Variants in ITPR1 observed in about 807,000 individuals in gnomAD.
The protein encoded by ITPR1 is inositol 1,4,5-trisphosphate-gated calcium channel ITPR1.
ITPR1 carries 96 observed loss-of-function variants against 318.4 expected under a neutral mutation model. The ratio of observed to expected loss-of-function variants is 0.30; its 90% confidence interval spans 0.26 to 0.36. ITPR1 has a LOEUF of 0.36. ITPR1 is among the 10% of genes least tolerant of loss of function. The pLI is 1.00. For missense variants in ITPR1, 2,440 were observed against 3,460.2 expected (o/e 0.71, Z 7.40); for synonymous variants, 1,312 against 1,289.9 (o/e 1.02, Z -0.37).
In ITPR1 at chr3:4,688,488, C is replaced by G; in HGVS notation, c.3703-7C>G. The G allele has an allele frequency of 6.2e-7, 1 of 1,613,822 alleles. No individual in the cohort carries two copies. Among genetic ancestry groups the G allele is most frequent in the Non-Finnish European group, 8.5e-7 (1 of 1,179,760 alleles). On this transcript the variant is annotated splice_polypyrimidine_tract_variant and splice_region_variant and intron_variant, in intron 30 of 61. Transcript: ENST00000649015. ...ATCAGTGCTTTCATCTGTCTCCTCCCACACAGGCCGAAGATACCAAGATGC... is the reference window on the plus strand; with the variant it reads ...ATCAGTGCTTTCATCTGTCTCCTCCGACACAGGCCGAAGATACCAAGATGC...
rs61757110 is a variant in ITPR1 at position 4,693,723 on chromosome 3, C to G, written c.4263C>G (p.His1421Gln). 2,611 of 1,612,892 alleles carry G rather than the reference C, an allele frequency of 1.6e-3. 12 individuals carry two copies. The highest frequency in any genetic ancestry group is 0.015 in the African/African-American group (1,124 of 75,038). Residue 1421 changes from histidine to glutamine, a missense_variant, in exon 33 of 62, where the codon CAC (histidine) becomes CAG (glutamine). Coordinates refer to ENST00000649015, the MANE Select transcript of ITPR1 (RefSeq NM_001378452.1). ...PLDDIVRVVT[H>Q]EDCIPEVKIA... ...ATGACATCGTTCGCGTGGTGACCCA[C>G]GAGGACTGCATCCCTGAGGTGAGCG...
intron 4 of ITPR1, among the ~76,000 whole-genome samples, chr3:4,580,745 A>C (rs758235739): frequency 1.3e-5 from 2 of 152,192 alleles, no homozygotes; most frequent in African/African-American, 2.4e-5. Context: ...AGCAAGCCGC[A>C]GAGGCTGTAC....
chr3:4,654,994 C>T lies in ITPR1; in HGVS notation c.996+1108C>T, dbSNP rs1170215533. Among the ~76,000 whole-genome samples the T allele has an allele frequency of 2.0e-5, 3 of 152,202 alleles. No homozygotes were observed. The South Asian group carries it at 6.2e-4, about 32-fold the overall frequency. The stretch of plus-strand genomic sequence containing the variant: ...TCCTTGTCACCCCTATTTCTAGAGT[C>T]CATTTTGAAAGCTTTGCTTCCACAG... On this transcript the variant is annotated intron_variant, in intron 12 of 61. Coordinates refer to ENST00000649015, the MANE Select transcript of ITPR1 (RefSeq NM_001378452.1).
chr3:4,814,490 T>C lies in ITPR1; in HGVS notation c.7629T>C (p.Ile2543=). Residue 2543 remains isoleucine, a synonymous_variant, in exon 58 of 62, where the codon ATT becomes ATC. Transcript: ENST00000649015. The part of the protein sequence containing the change: ...EHTCETLLMC[I]VTVLSHGLRS... The stretch of plus-strand genomic sequence containing the variant: ...CATGTGAGACGCTGCTGATGTGCAT[T>C]GTCACTGTGCTGAGTCACGGGCTGC... The C allele has an allele frequency of 6.2e-7, 1 of 1,613,654 alleles. No individual in the cohort carries two copies. The highest frequency in any genetic ancestry group is 2.2e-5 in the East Asian group (1 of 44,852).
At chr3:4,781,105 G>C (rs2046808812) in intron 49 of ITPR1, among the ~76,000 whole-genome samples, 1 of 152,220 alleles carries the variant, frequency 6.6e-6, no homozygotes, top group Non-Finnish European at 1.5e-5. Context: ...GCTCGATTTA[G>C]TATTTGAGAG....
chr3:4,514,068 C>A lies in ITPR1; in HGVS notation c.-16-2408C>A, dbSNP rs1416924319. On this transcript the variant is annotated intron_variant, in intron 2 of 61. Coordinates refer to ENST00000649015, the MANE Select transcript of ITPR1 (RefSeq NM_001378452.1). The stretch of plus-strand genomic sequence containing the variant: ...TGCCACTGCACTCCAGCTTGGGCAA[C>A]AGAGCAAGACTCTGTCTAAAAAAAA... Among the ~76,000 whole-genome samples the A allele has an allele frequency of 5.4e-5, 8 of 149,088 alleles. No homozygotes were observed. The East Asian group carries it at 1.6e-3, about 29-fold the overall frequency.
At chr3:4,561,648 C>T (rs182638604) in intron 4 of ITPR1, among the ~76,000 whole-genome samples, 97 of 151,826 alleles carry the variant, frequency 6.4e-4, no homozygotes, top group African/African-American at 2.1e-3. Context: ...GGGTGGATTT[C>T]GGATGGTGTT....
rs3838621 is a variant in ITPR1 at position 4,765,064 on chromosome 3, TAAAAG to T, written c.5545-1447_5545-1443del. ...TGGATGGATGAAATAGCAGGAAACC[TAAAAG>T]AAAAGAAAAGAAAAGAAACGAGGCA... is the stretch of plus-strand genomic sequence containing the variant. On this transcript the variant is annotated intron_variant, in intron 44 of 61. Transcript: ENST00000649015. Among the ~76,000 whole-genome samples, 1,072 of 149,428 alleles carry T rather than the reference TAAAAG, an allele frequency of 7.2e-3. 4 individuals are homozygous for T. The highest frequency in any genetic ancestry group is 0.019 in the African/African-American group (785 of 40,422).
intron 4 of ITPR1, among the ~76,000 whole-genome samples, chr3:4,539,984 CA>C (rs749264815): frequency 0.052 from 4,888 of 94,426 alleles, 115 homozygotes; most frequent in Admixed American, 0.12. Context: ...GACTAAGATG[CA>C]AAAAAAAAAA....
intron 33 of ITPR1, among the ~76,000 whole-genome samples, chr3:4,696,601 G>A (rs1218255575): frequency 1.3e-5 from 2 of 148,550 alleles, no homozygotes; most frequent in African/African-American, 4.9e-5. Flanking sequence ...ATAGACACAT[G>A]TTTTCATTAA....
rs541656702 is a variant in ITPR1, at chr3:4,706,144, C to T, written c.4658-23C>T. 2.0e-5 allele frequency: 32 copies of T among 1,613,708 alleles called. No homozygotes were observed. The Admixed American group carries it at 3.0e-4, about 15-fold the overall frequency. On this transcript the variant is annotated intron_variant, in intron 36 of 61. Transcript: ENST00000649015. ...GTCCCCCATAAAAGTTGTAGGCTCACGACTCATCTTTCTCCTGTGCAGCCA... is the reference window on the plus strand; with the variant it reads ...GTCCCCCATAAAAGTTGTAGGCTCATGACTCATCTTTCTCCTGTGCAGCCA...
chr3:4,753,815 T>C (rs1449590939), intron 44 of ITPR1, among the ~76,000 whole-genome samples: 1 of 152,092 alleles, frequency 6.6e-6, no homozygotes, highest in Non-Finnish European at 1.5e-5. Flanking sequence ...ACCCTGCCGG[T>C]ACTGTGCGGG....
At chr3:4,523,970 A>T (rs1483803676) in intron 4 of ITPR1, among the ~76,000 whole-genome samples, 1 of 152,228 alleles carries the variant, frequency 6.6e-6, no homozygotes, top group Non-Finnish European at 1.5e-5. Flanking sequence ...CTGGTTCTAC[A>T]GGTGGTCACG....
intron 40 of ITPR1, among the ~76,000 whole-genome samples, chr3:4,724,741 C>A (rs1195669112): frequency 1.3e-5 from 2 of 152,132 alleles, no homozygotes; most frequent in Non-Finnish European, 2.9e-5. Context: ...TTTGTGTAGC[C>A]CCTGCATGCC....
chr3:4,723,016 T>A (rs1209144445), intron 40 of ITPR1, among the ~76,000 whole-genome samples: 1 of 152,044 alleles, frequency 6.6e-6, no homozygotes, highest in Non-Finnish European at 1.5e-5. Context: ...GGTGTGGTGG[T>A]GCATGCCTGT....
At chr3:4,732,052 G>C (rs1175275314) in intron 42 of ITPR1, among the ~76,000 whole-genome samples, 1 of 152,122 alleles carries the variant, frequency 6.6e-6, no homozygotes, top group Admixed American at 6.5e-5. Flanking sequence ...AAGGAGTCCA[G>C]GGAAAATTTA....
At chr3:4,681,517 G>C in intron 26 of ITPR1, 99 bp downstream of exon 26, 1 of 855,910 alleles carries the variant, frequency 1.2e-6, no homozygotes, top group Non-Finnish European at 1.9e-6. Flanking sequence ...TAGTCTCTGG[G>C]CTTAGGTTGT....
chr3:4,746,744 G>C (rs1270114753), intron 44 of ITPR1, among the ~76,000 whole-genome samples: 1 of 152,148 alleles, frequency 6.6e-6, no homozygotes, highest in Non-Finnish European at 1.5e-5. Context: ...AAACTATTCT[G>C]GGAATTCACT....
At position 4,813,162 on chromosome 3, in the gene ITPR1, A is replaced by G. The variant is rs909498699; in HGVS notation, c.7489A>G (p.Ser2497Gly). ...AVPETGESLA[S>G]EFLFSDVCRV... The stretch of plus-strand genomic sequence containing the variant: ...CCCAGAAACCGGCGAGAGTTTGGCA[A>G]GCGAGTTCCTGTTCTCCGATGTGTG... The change falls in exon 57 of 62, where the codon AGC becomes GGC. Residue 2497 changes from serine (S) to glycine (G), a missense_variant. Physicochemically the swap from Ser to Gly is moderately conservative, Grantham distance 56. This residue lies in a region of ITPR1 where 88 missense variants were observed against 90.5 expected (regional missense o/e 0.97). Coordinates refer to ENST00000649015, the MANE Select transcript of ITPR1 (RefSeq NM_001378452.1). 5 of 1,613,882 alleles carry G rather than the reference A, an allele frequency of 3.1e-6. No individual in the cohort carries two copies. In the African/African-American group the frequency reaches 6.7e-5, roughly 22 times the overall value.
Sources: gnomAD v4.1 joint callset for allele counts (sites outside exome capture counted in the v4.1 genomes callset) on GRCh38, gnomAD v4.1.1 for gene constraint, gnomAD v4.1.1 regional missense constraint, MANE v1.5 for transcripts, NCBI Gene and HGNC (gene_info 2026-07-23, HGNC 2026-07-21) for gene names.